The following PCDHGB2 variants were observed in gnomAD, a reference collection of about 807,000 sequenced individuals.
PCDHGB2 encodes the protein protocadherin gamma subfamily B, 2.
In PCDHGB2, 55 loss-of-function variants were observed where a neutral mutation model predicts 59.3. The observed-to-expected ratio is 0.93, with a 90% CI of 0.75 to 1.16. PCDHGB2 has a LOEUF of 1.16. Among genes scored for constraint, PCDHGB2 ranks in the 50% most tolerant of loss-of-function variants. The probability of loss-of-function intolerance (pLI) is 0.00; values close to 1 mark genes in which losing one functional copy is unlikely to be tolerated. For synonymous variants in PCDHGB2, 516 were observed against 512.0 expected, an observed-to-expected ratio of 1.01 and a Z score of -0.11; for missense variants, 1,228 against 1,198.5, an observed-to-expected ratio of 1.02 and a Z score of -0.36.
intron 1 of PCDHGB2, chr5:141,382,891 A>C (rs1428861059): frequency 6.5e-7 from 1 of 1,533,794 alleles, no homozygotes; most frequent in Non-Finnish European, 8.8e-7. Flanking sequence ...CAAGAGAAGC[A>C]GGACGACTAT....
chr5:141,418,914 T>C (rs1200050684), intron 1 of PCDHGB2: 4 of 1,613,964 alleles, frequency 2.5e-6, no homozygotes, highest in East Asian at 2.2e-5. Context: ...ATCACGTCAC[T>C]CTCTGATCAG....
intron 1 of PCDHGB2, chr5:141,405,534 C>T: frequency 3.1e-6 from 2 of 648,486 alleles, no homozygotes; most frequent in Non-Finnish European, 5.3e-6. Flanking sequence ...ATTCTCCTGC[C>T]TCAGCCTCCC....
chr5:141,415,428 G>A, intron 1 of PCDHGB2: 1 of 1,614,206 alleles, frequency 6.2e-7, no homozygotes, highest in Non-Finnish European at 8.5e-7. Flanking sequence ...ACGGGGTTCG[G>A]GCTTTCCTGC....
chr5:141,361,254 C>CA lies in PCDHGB2; in HGVS notation c.1120dup (p.Arg374LysfsTer75). ...TGATCGCCTTGATAAAAACGAGAGA[C>CA]AGAGACTCTGGAGAAAATGGAGAAG... On this transcript the variant is annotated frameshift_variant, in exon 1 of 4. Coordinates refer to ENST00000522605, the MANE Select transcript of PCDHGB2 (RefSeq NM_018923.3). LOFTEE classifies it high-confidence loss of function. The CA allele has an allele frequency of 6.2e-7, 1 of 1,613,964 alleles. No individual in the cohort carries two copies. Among genetic ancestry groups the CA allele is most frequent in the Non-Finnish European group, 8.5e-7 (1 of 1,179,870 alleles).
Position 141,417,741 on chromosome 5 carries a change from A to G in PCDHGB2, c.2421+55185A>G, listed in dbSNP as rs1035037382. ...CTGCGCAGACCTTGCCCAGCACACCAGATTGCCAGCTCCGAGACCCGGGAC... is the reference window on the plus strand; with the variant it reads ...CTGCGCAGACCTTGCCCAGCACACCGGATTGCCAGCTCCGAGACCCGGGAC... On this transcript the variant is annotated intron_variant, in intron 1 of 3. Coordinates refer to ENST00000522605, the MANE Select transcript of PCDHGB2 (RefSeq NM_018923.3). The G allele has an allele frequency of 1.7e-5, 24 of 1,413,756 alleles. No individual in the cohort carries two copies. The African/African-American group carries it at 1.7e-4, about 10-fold the overall frequency. The allele number at this position is 1,413,756 out of a possible 1,614,324, so 87.6% of individuals were successfully genotyped here.
intron 1 of PCDHGB2, chr5:141,415,164 G>A: frequency 1.9e-6 from 3 of 1,613,838 alleles, no homozygotes; most frequent in African/African-American, 2.7e-5. Flanking sequence ...CCACTGTCAC[G>A]CTCACCGTGG....
chr5:141,481,151 G>A (rs1326614212), intron 1 of PCDHGB2, among the ~76,000 whole-genome samples: 1 of 152,198 alleles, frequency 6.6e-6, no homozygotes, highest in African/African-American at 2.4e-5. Context: ...TGTTATTCTG[G>A]TATTTGCAGA....
rs376996144 is a variant in PCDHGB2, at chr5:141,491,534, G to C, written c.2422-3273G>C. 3.7e-6 allele frequency: 6 copies of C among 1,613,912 alleles called. No homozygotes were observed. The highest frequency in any genetic ancestry group is 1.3e-5 in the African/African-American group (1 of 74,928). ...CTCAAGTACATGGAGGTGACGCTGC[G>C]GCCCACAGACTCGCAGAGCCACTGC... On this transcript the variant is annotated intron_variant, in intron 1 of 3. Coordinates refer to ENST00000522605, the MANE Select transcript of PCDHGB2 (RefSeq NM_018923.3). This position sits in a 1 kb window ranked among gnomAD's most constrained non-coding sequence, Gnocchi z 6.9.
rs758715682 is a variant in PCDHGB2, at chr5:141,490,062, C to T, written c.2422-4745C>T. The T allele has an allele frequency of 2.6e-5, 42 of 1,614,100 alleles. No individual in the cohort carries two copies. The highest frequency in any genetic ancestry group is 3.3e-5 in the South Asian group (3 of 91,086). On this transcript the variant is annotated intron_variant, in intron 1 of 3. Coordinates refer to ENST00000522605, the MANE Select transcript of PCDHGB2 (RefSeq NM_018923.3). The surrounding 1 kb of genome is among the most constrained non-coding windows in gnomAD (Gnocchi z 5.4). The stretch of plus-strand genomic sequence containing the variant: ...CCACTGATCCAGACGAGGGCACCAA[C>T]GGCCAACTAGACTATTCTTTTGGAG...
rs553587727 is a variant in PCDHGB2, at chr5:141,419,523, G to A, written c.2421+56967G>A. The A allele has an allele frequency of 2.1e-4, 343 of 1,612,204 alleles. 3 individuals are homozygous for A. The South Asian group carries it at 3.5e-3, about 17-fold the overall frequency. ...AGCCTGCGCGTGTTGGTGGGCGACC[G>A]TAACGACAACGCACCGCGGGTGCTG... On this transcript the variant is annotated intron_variant, in intron 1 of 3. Coordinates refer to ENST00000522605, the MANE Select transcript of PCDHGB2 (RefSeq NM_018923.3).
rs1430647254 is a variant in PCDHGB2 at position 141,477,750 on chromosome 5, C to T, written c.2422-17057C>T. On this transcript the variant is annotated intron_variant, in intron 1 of 3. Coordinates refer to ENST00000522605, the MANE Select transcript of PCDHGB2 (RefSeq NM_018923.3). This position sits in a 1 kb window ranked among gnomAD's most constrained non-coding sequence, Gnocchi z 4.9. ...GCTCATATCAGCGATGGGGGCACCC[C>T]GGTCCTAGCCACCAACATCAGCGTG... 8 of 1,613,772 alleles carry T rather than the reference C, an allele frequency of 5.0e-6. No individual in the cohort carries two copies. Among genetic ancestry groups the T allele is most frequent in the East Asian group, 2.2e-5 (1 of 44,890 alleles).
intron 1 of PCDHGB2, among the ~76,000 whole-genome samples, chr5:141,364,051 A>G (rs1322889725): frequency 6.6e-6 from 1 of 152,262 alleles, no homozygotes; most frequent in African/African-American, 2.4e-5. Flanking sequence ...ATTATTAGAA[A>G]TAAAATTATA....
chr5:141,385,164 T>C (rs758100484), intron 1 of PCDHGB2: 3 of 1,614,168 alleles, frequency 1.9e-6, no homozygotes, highest in Middle Eastern at 1.6e-4. Flanking sequence ...CCTATTCCCA[T>C]GAGGTCTCCC....
At chr5:141,433,358 C>CCTAT (rs3074541) in intron 1 of PCDHGB2, 148,925 of 502,316 alleles carry the variant, frequency 0.3, 18,760 homozygotes, top group East Asian at 0.33. Flanking sequence ...CTACTGTCTG[C>CCTAT]CTATCTATCT....
intron 1 of PCDHGB2, chr5:141,398,042 T>C: frequency 6.7e-7 from 1 of 1,495,000 alleles, no homozygotes; most frequent in East Asian, 2.4e-5. Context: ...CTAAAGCCCG[T>C]TCGGAGATCC....
rs1281337319 is a variant in PCDHGB2, at chr5:141,393,186, G to A, written c.2421+30630G>A. ...CTTTGGGGTAGAAATAGAAATAATT[G>A]ATATTAACGATAATAACCCAAAATT... On this transcript the variant is annotated intron_variant, in intron 1 of 3. Transcript: ENST00000522605. 1.2e-6 allele frequency: 2 copies of A among 1,613,188 alleles called. No homozygotes were observed. The highest frequency in any genetic ancestry group is 3.3e-5 in the Admixed American group (2 of 59,998).
intron 2 of PCDHGB2, among the ~76,000 whole-genome samples, chr5:141,502,382 T>C (rs1668612742): frequency 1.3e-5 from 2 of 152,088 alleles, no homozygotes; most frequent in Non-Finnish European, 2.9e-5. Context: ...CCAGGCCAGT[T>C]GTACTTTAAA....
In PCDHGB2 at chr5:141,491,409, G is replaced by T; in HGVS notation, c.2422-3398G>T. The T allele has an allele frequency of 6.8e-6, 11 of 1,614,118 alleles. No individual in the cohort carries two copies. Among genetic ancestry groups the T allele is most frequent in the Non-Finnish European group, 9.3e-6 (11 of 1,180,014 alleles). On this transcript the variant is annotated intron_variant, in intron 1 of 3. Coordinates refer to ENST00000522605, the MANE Select transcript of PCDHGB2 (RefSeq NM_018923.3). The surrounding 1 kb of genome is among the most constrained non-coding windows in gnomAD (Gnocchi z 6.9). ...AGTGCCTTCAGGGAAACGCAGACGG[G>T]GACGGGGGTGGAGGGCAGTGCTGCA...
At chr5:141,407,856 G>A (rs1038275806) in intron 1 of PCDHGB2, among the ~76,000 whole-genome samples, 2 of 152,210 alleles carry the variant, frequency 1.3e-5, no homozygotes, top group African/African-American at 4.8e-5. Context: ...ATGTACACCT[G>A]CATTTTCGAA....
Sources: allele counts gnomAD v4.1 joint callset (sites outside exome capture counted in the v4.1 genomes callset), GRCh38; gene constraint gnomAD v4.1.1; non-coding constraint Gnocchi (gnomAD v3.1); transcripts MANE v1.5; gene names NCBI Gene and HGNC (gene_info 2026-07-23, HGNC 2026-07-21).